Variants in NOX3 observed in about 807,000 individuals in gnomAD.
NOX3 encodes the protein NADPH oxidase 3.
A neutral mutation model predicts 76.7 loss-of-function variants in NOX3; 74 were observed. The observed-to-expected ratio is 0.96, with a 90% CI of 0.80 to 1.17. NOX3 has a LOEUF of 1.17. Among genes scored for constraint, NOX3 ranks in the 50% most tolerant of loss-of-function variants. The pLI is 0.00. For synonymous variants in NOX3, 263 were observed against 261.1 expected, an observed-to-expected ratio of 1.01 and a Z score of -0.07; for missense variants, 695 against 703.3, an observed-to-expected ratio of 0.99 and a Z score of 0.13.
chr6:155,426,244 A>G (rs959983860), intron 9 of NOX3, among the ~76,000 whole-genome samples: 64 of 152,162 alleles, frequency 4.2e-4, no homozygotes, highest in African/African-American at 1.4e-3. Context: ...GTTTATGACA[A>G]CTCATTTTTA....
chr6:155,400,226 G>A (rs965285193), intron 12 of NOX3, among the ~76,000 whole-genome samples: 7 of 152,176 alleles, frequency 4.6e-5, no homozygotes, highest in African/African-American at 7.2e-5. Flanking sequence ...ATATATGGGC[G>A]TGTGGGTGCG....
intron 4 of NOX3, among the ~76,000 whole-genome samples, chr6:155,452,808 T>A (rs1383713078): frequency 6.6e-6 from 1 of 152,210 alleles, no homozygotes; most frequent in Non-Finnish European, 1.5e-5. Flanking sequence ...CTGCTCCTCC[T>A]CCTTTCTTCC....
chr6:155,438,781 C>T (rs1253517072), intron 6 of NOX3, among the ~76,000 whole-genome samples: 1 of 152,216 alleles, frequency 6.6e-6, no homozygotes, highest in African/African-American at 2.4e-5. Flanking sequence ...AGTCGGAGGC[C>T]ACCTCCGGGA....
chr6:155,411,338 C>T lies in NOX3; in HGVS notation c.1331G>A (p.Arg444Gln), dbSNP rs771109304. The T allele has an allele frequency of 1.6e-5, 26 of 1,613,482 alleles. No homozygotes were observed. The highest frequency in any genetic ancestry group is 5.3e-5 in the African/African-American group (4 of 74,894). ...LSKVYFYWIC[R>Q]DARAFEWFAD... ...AAACCACTCAAAAGCTCTTGCATCC[C>T]GGCAAATCCAGTAGAAATACACCTG... Residue 444 changes from arginine to glutamine, a missense_variant, in exon 11 of 14, where the codon CGG becomes CAG. Physicochemically the swap from Arg to Gln is conservative, Grantham distance 43. Coordinates refer to ENST00000159060, the MANE Select transcript of NOX3 (RefSeq NM_015718.3).
intron 10 of NOX3, among the ~76,000 whole-genome samples, chr6:155,414,628 T>C (rs1457398024): frequency 0.02 from 2,784 of 138,254 alleles, 91 homozygotes; most frequent in East Asian, 0.12. Context: ...TCTTTCTTTT[T>C]TTTTTTTTTT....
intron 8 of NOX3, among the ~76,000 whole-genome samples, chr6:155,429,833 G>T (rs1251576093): frequency 6.6e-6 from 1 of 152,118 alleles, no homozygotes. Flanking sequence ...GTTCAAAAGA[G>T]AATTTCACAG....
At chr6:155,446,503 G>A (rs981861973) in intron 4 of NOX3, among the ~76,000 whole-genome samples, 6 of 151,980 alleles carry the variant, frequency 3.9e-5, no homozygotes, top group South Asian at 2.1e-4. Flanking sequence ...CTTCTCATTC[G>A]ACAGACCAGT....
intron 4 of NOX3, among the ~76,000 whole-genome samples, chr6:155,450,504 G>A (rs145112277): frequency 4.6e-5 from 7 of 152,240 alleles, no homozygotes; most frequent in Admixed American, 2.0e-4. Context: ...CCTCCTGTGC[G>A]CCAGGGACCA....
At position 155,402,476 on chromosome 6, in the gene NOX3, C is replaced by T. The variant is rs76845838; in HGVS notation, c.1580+4654G>A. On this transcript the variant is annotated intron_variant, in intron 12 of 13. Coordinates refer to ENST00000159060, the MANE Select transcript of NOX3 (RefSeq NM_015718.3). ...TTAATTACAAACAAAAACAATAGAA[C>T]ACACTTTTCTATTTTCTGTCAGCCT... Among the ~76,000 whole-genome samples the T allele has an allele frequency of 1.6e-3, 247 of 152,214 alleles. 4 individuals carry two copies. In the East Asian group the frequency reaches 0.026, roughly 16 times the overall value.
chr6:155,421,512 A>G (rs9371889), intron 10 of NOX3, among the ~76,000 whole-genome samples: 40,813 of 152,088 alleles, frequency 0.27, 5,698 homozygotes, highest in African/African-American at 0.31. Flanking sequence ...AAGGTTCTGT[A>G]GCTAAATAAG....
At chr6:155,419,139 G>A (rs1350879669) in intron 10 of NOX3, among the ~76,000 whole-genome samples, 1 of 152,190 alleles carries the variant, frequency 6.6e-6, no homozygotes, top group African/African-American at 2.4e-5. Context: ...TATCTCAAAA[G>A]CATGTAGGTA....
rs764590594 is a variant in NOX3, at chr6:155,455,772, C to A, written c.29G>T (p.Gly10Val). The change falls in exon 1 of 14, where the codon GGT (glycine) becomes GTT (valine). Residue 10 changes from glycine (G) to valine (V), a missense_variant. Coordinates refer to ENST00000159060, the MANE Select transcript of NOX3 (RefSeq NM_015718.3). The stretch of plus-strand genomic sequence containing the variant: ...ACTTACTACTAATATGGTGGAGAGA[C>A]CCTCATTCAAAATCCAGCACCCCAT... MMGCWILNE[G>V]LSTILVLSWL... 8 of 1,613,636 alleles carry A rather than the reference C, an allele frequency of 5.0e-6. No homozygotes were observed. The highest frequency in any genetic ancestry group is 1.1e-5 in the South Asian group (1 of 91,056).
At chr6:155,401,428 T>G (rs1303742226) in intron 12 of NOX3, among the ~76,000 whole-genome samples, 1 of 152,202 alleles carries the variant, frequency 6.6e-6, no homozygotes, top group Non-Finnish European at 1.5e-5. Flanking sequence ...TAATGAATGT[T>G]TAGGATATCC....
At chr6:155,406,324 A>G (rs938806212) in intron 12 of NOX3, among the ~76,000 whole-genome samples, 2 of 152,122 alleles carry the variant, frequency 1.3e-5, no homozygotes, top group Non-Finnish European at 2.9e-5. Flanking sequence ...GCGAAAGCTC[A>G]AATAAGCTGC....
chr6:155,411,730 A>T lies in NOX3; in HGVS notation c.1309-370T>A, dbSNP rs73567310. ...GATAAACCGTTAGACCAACCCCTTC[A>T]TCTTTACTTATGACCTAAGCTCTGG... On this transcript the variant is annotated intron_variant, in intron 10 of 13. Transcript: ENST00000159060. 7.2e-3 allele frequency among the ~76,000 whole-genome samples: 1,094 copies of T among 152,332 alleles called. 11 individuals carry two copies. Among genetic ancestry groups the T allele is most frequent in the African/African-American group, 0.025 (1,045 of 41,586 alleles).
chr6:155,436,475 T>C lies in NOX3; in HGVS notation c.741A>G (p.Ala247=), dbSNP rs1238326766. Reference sequence around the variant, plus strand: ...GGCATTGGGCCACTGTCTGCCATTCTGCATAGCGGTCTCTACAGAAGGTGA... The same window carrying C: ...GGCATTGGGCCACTGTCTGCCATTCCGCATAGCGGTCTCTACAGAAGGTGA... The part of the protein sequence containing the change: ...HNITFCRDRY[A]EWQTVAQCPV... Residue 247 remains alanine, a synonymous_variant, in exon 7 of 14, where the codon GCA becomes GCG. Coordinates refer to ENST00000159060, the MANE Select transcript of NOX3 (RefSeq NM_015718.3). 3.7e-6 allele frequency: 6 copies of C among 1,614,204 alleles called. No homozygotes were observed. Among genetic ancestry groups the C allele is most frequent in the Non-Finnish European group, 5.1e-6 (6 of 1,180,002 alleles).
chr6:155,430,842 C>T lies in NOX3; in HGVS notation c.891+1G>A. 1 of 1,604,092 alleles carries T rather than the reference C, an allele frequency of 6.2e-7. No individual in the cohort carries two copies. The highest frequency in any genetic ancestry group is 8.5e-7 in the Non-Finnish European group (1 of 1,171,278). ...ATTCAGACATAAAGCTACATGCATA[C>T]CTTGGTAATGACAACTTCTTGTTGA... On this transcript the variant is annotated splice_donor_variant, in intron 8 of 13. Transcript: ENST00000159060. LOFTEE classifies it high-confidence loss of function.
chr6:155,421,627 G>C (rs577329210), intron 10 of NOX3, among the ~76,000 whole-genome samples: 1 of 152,096 alleles, frequency 6.6e-6, no homozygotes, highest in Admixed American at 6.6e-5. Flanking sequence ...GCAGTGGTGC[G>C]ATCACGGCTC....
In NOX3 at chr6:155,416,701, C is replaced by T. The variant is rs1236836673; in HGVS notation, c.1309-5341G>A. The stretch of plus-strand genomic sequence containing the variant: ...TTTGGGCCTCCGTTTGGTCTAATTA[C>T]AGTTAATAATCCTTGTTGGACAACT... On this transcript the variant is annotated intron_variant, in intron 10 of 13. Coordinates refer to ENST00000159060, the MANE Select transcript of NOX3 (RefSeq NM_015718.3). Among the ~76,000 whole-genome samples, 19 of 148,076 alleles carry T rather than the reference C, an allele frequency of 1.3e-4. 1 individual carries two copies. Among genetic ancestry groups the T allele is most frequent in the Admixed American group, 1.3e-3 (19 of 14,860 alleles).
Sources: gnomAD v4.1 joint callset for allele counts (sites outside exome capture counted in the v4.1 genomes callset) on GRCh38, gnomAD v4.1.1 for gene constraint, MANE v1.5 for transcripts, NCBI Gene and HGNC (gene_info 2026-07-23, HGNC 2026-07-21) for gene names.